MOCS1: variants seen among roughly 807,000 people sequenced by gnomAD.
The protein encoded by MOCS1 is molybdenum cofactor biosynthesis protein 1.
MOCS1 carries 39 observed loss-of-function variants against 57.6 expected under a neutral mutation model. The observed-to-expected ratio is 0.68, with a 90% CI of 0.52 to 0.88. MOCS1 has a LOEUF of 0.88. Among genes scored for constraint, MOCS1 ranks in the 40% least tolerant of loss-of-function variants. MOCS1 has a pLI of 0.00. For missense variants in MOCS1, 795 were observed against 831.1 expected, an observed-to-expected ratio of 0.96 and a Z score of 0.53; for synonymous variants, 334 against 335.7, an observed-to-expected ratio of 1.00 and a Z score of 0.05.
chr6:39,926,051 C>A (rs1202647332), intron 2 of MOCS1, among the ~76,000 whole-genome samples: 1 of 152,234 alleles, frequency 6.6e-6, no homozygotes, highest in African/African-American at 2.4e-5. Flanking sequence ...AACGTTAACA[C>A]CTTTCCCTAT....
In MOCS1 at chr6:39,904,264, T is replaced by G; in HGVS notation, c.*2093A>C. The G allele has an allele frequency of 2.2e-6, 1 of 456,780 alleles. No homozygotes were observed. Among genetic ancestry groups the G allele is most frequent in the South Asian group, 1.5e-5 (1 of 64,572 alleles). 28.3% of individuals were successfully genotyped at this position (456,780 alleles called of 1,614,324 possible). ...GTTCCAGAGCTCAGCCTTCTCACTC[T>G]AAAAGAAAGATATTTTTCTATTTAT... On this transcript the variant is annotated 3_prime_UTR_variant, in exon 11 of 11. Transcript: ENST00000340692.
intron 4 of MOCS1, among the ~76,000 whole-genome samples, chr6:39,914,396 T>G (rs1219197312): frequency 6.6e-6 from 1 of 152,240 alleles, no homozygotes; most frequent in Non-Finnish European, 1.5e-5. Context: ...CCCGTTTCAG[T>G]GTTTTTTCCT....
intron 3 of MOCS1, among the ~76,000 whole-genome samples, chr6:39,921,179 C>T (rs1023302282): frequency 1.3e-4 from 19 of 151,946 alleles, no homozygotes; most frequent in African/African-American, 4.4e-4. Context: ...GCGGGTGGAT[C>T]ATGAGGTCAG....
intron 3 of MOCS1, among the ~76,000 whole-genome samples, chr6:39,922,457 T>C (rs1053466904): frequency 6.6e-6 from 1 of 152,178 alleles, no homozygotes; most frequent in East Asian, 1.9e-4. Context: ...GTGTATTTTA[T>C]GTGTGGCCTC....
intron 10 of MOCS1, 51 bp from the exon 11 acceptor site, chr6:39,907,168 T>C (rs772313225): frequency 6.5e-7 from 1 of 1,550,036 alleles, no homozygotes. Context: ...AAGGCAATTC[T>C]TTTTCCCACC....
chr6:39,913,564 G>A (rs1011935732), intron 5 of MOCS1, 136 bp from the exon 6 acceptor site: 2 of 963,344 alleles, frequency 2.1e-6, no homozygotes, highest in South Asian at 1.4e-5. Flanking sequence ...AGTTCTCTAA[G>A]TTACGGGATT....
chr6:39,914,675 C>G (rs560611023), intron 4 of MOCS1, among the ~76,000 whole-genome samples: 1 of 152,150 alleles, frequency 6.6e-6, no homozygotes, highest in African/African-American at 2.4e-5. Context: ...CCATGGTTTC[C>G]TTGCAGCATT....
In MOCS1 at chr6:39,904,891, T is replaced by G. The variant is rs1415044130; in HGVS notation, c.*1466A>C. 1 of 454,012 alleles carries G rather than the reference T, an allele frequency of 2.2e-6. No homozygotes were observed. Among genetic ancestry groups the G allele is most frequent in the Non-Finnish European group, 4.4e-6 (1 of 226,802 alleles). 28.1% of individuals were successfully genotyped at this position (454,012 alleles called of 1,614,324 possible). ...CCCAGTCTGCCTTTAAACTTGTGCC[T>G]TCTTCCTATGAGGGGATCTGGGGTG... On this transcript the variant is annotated 3_prime_UTR_variant, in exon 11 of 11. Coordinates refer to ENST00000340692, the MANE Select transcript of MOCS1 (RefSeq NM_001358530.2).
At chr6:39,932,120 C>A (rs779864441) in intron 1 of MOCS1, among the ~76,000 whole-genome samples, 1 of 152,190 alleles carries the variant, frequency 6.6e-6, no homozygotes, top group Non-Finnish European at 1.5e-5. Context: ...CATCCTGCCA[C>A]ACAAACAATG....
At chr6:39,913,564 G>C (rs1011935732) in intron 5 of MOCS1, 136 bp from the exon 6 acceptor site, 1 of 963,344 alleles carries the variant, frequency 1.0e-6, no homozygotes, top group African/African-American at 1.6e-5. Flanking sequence ...AGTTCTCTAA[G>C]TTACGGGATT....
intron 3 of MOCS1, among the ~76,000 whole-genome samples, chr6:39,924,379 A>ATGCC (rs199799379): frequency 0.019 from 2,928 of 152,334 alleles, 39 homozygotes; most frequent in Middle Eastern, 0.041. Context: ...ACGGTACTGG[A>ATGCC]TGCCAAAAAC....
At chr6:39,919,239 CT>C (rs1294110992) in intron 3 of MOCS1, among the ~76,000 whole-genome samples, 2 of 152,264 alleles carry the variant, frequency 1.3e-5, no homozygotes, top group East Asian at 3.9e-4. Context: ...AATCCCAGAA[CT>C]TTGGGAGGCC....
chr6:39,911,375 T>A (rs1767316540), intron 8 of MOCS1, among the ~76,000 whole-genome samples: 1 of 152,176 alleles, frequency 6.6e-6, no homozygotes, highest in African/African-American at 2.4e-5. Context: ...CTTCCTCCTC[T>A]CCTTCCGCGA....
At chr6:39,918,715 G>A (rs1293994929) in intron 3 of MOCS1, among the ~76,000 whole-genome samples, 1 of 152,000 alleles carries the variant, frequency 6.6e-6, no homozygotes, top group Non-Finnish European at 1.5e-5. Context: ...AAGAGATGCA[G>A]TAAACACAAG....
In MOCS1 at chr6:39,912,909, C is replaced by G. The variant is rs140243105; in HGVS notation, c.853G>C (p.Glu285Gln). Reference sequence around the variant, plus strand: ...TCCCTAACCTTGGCTGTGCTGGATTCCTCCTCTGGCACCTTCTCCAGCTCT... The same window carrying G: ...TCCCTAACCTTGGCTGTGCTGGATTGCTCCTCTGGCACCTTCTCCAGCTCT... ...WPELEKVPEEESSTAKAFKIP... is the reference protein window; with the variant it reads ...WPELEKVPEEQSSTAKAFKIP... The change falls in exon 7 of 11, where the codon GAA becomes CAA. Residue 285 changes from glutamate (E) to glutamine (Q), a missense_variant. Coordinates refer to ENST00000340692, the MANE Select transcript of MOCS1 (RefSeq NM_001358530.2). 6.2e-7 allele frequency: 1 copy of G among 1,614,144 alleles called. No individual in the cohort carries two copies. Among genetic ancestry groups the G allele is most frequent in the Admixed American group, 1.7e-5 (1 of 60,028 alleles).
chr6:39,908,087 TG>T (rs1767066991), intron 10 of MOCS1, among the ~76,000 whole-genome samples: 1 of 152,146 alleles, frequency 6.6e-6, no homozygotes. Context: ...ACTTGGATGC[TG>T]GGGGTGGGAG....
intron 3 of MOCS1, among the ~76,000 whole-genome samples, chr6:39,917,404 A>G (rs1767722906): frequency 6.6e-6 from 1 of 152,150 alleles, no homozygotes; most frequent in Non-Finnish European, 1.5e-5. Flanking sequence ...CTCCCATGAC[A>G]CGTGGGGATT....
intron 8 of MOCS1, among the ~76,000 whole-genome samples, chr6:39,911,941 A>C (rs1171992279): frequency 6.6e-6 from 1 of 152,198 alleles, no homozygotes; most frequent in Non-Finnish European, 1.5e-5. Context: ...GCCTGGTGGA[A>C]GGGGCTAACC....
At position 39,934,455 on chromosome 6, in the gene MOCS1, A is replaced by G; in HGVS notation, c.-38T>C. On this transcript the variant is annotated 5_prime_UTR_variant, in exon 1 of 11. Coordinates refer to ENST00000340692, the MANE Select transcript of MOCS1 (RefSeq NM_001358530.2). ...GAGCGGAACCGCAGCCCGCTTCGGG[A>G]GCACACTGGCCGGGCACTCGCCCCC... The G allele has an allele frequency of 6.4e-7, 1 of 1,554,538 alleles. No homozygotes were observed. The highest frequency in any genetic ancestry group is 8.6e-7 in the Non-Finnish European group (1 of 1,157,076).
Sources: gnomAD v4.1 joint callset for allele counts (sites outside exome capture counted in the v4.1 genomes callset) on GRCh38, gnomAD v4.1.1 for gene constraint, MANE v1.5 for transcripts, NCBI Gene and HGNC (gene_info 2026-07-23, HGNC 2026-07-21) for gene names.